CLASP1: variants seen among roughly 807,000 people sequenced by gnomAD.
CLASP1 encodes cytoplasmic linker associated protein 1, also known as CLIP-associating protein 1.
In CLASP1, 38 loss-of-function variants were observed where a neutral mutation model predicts 192.3. That is an observed-to-expected ratio of 0.20 (90% confidence interval 0.15 to 0.26). The LOEUF (loss-of-function observed/expected upper bound fraction) is 0.26, where lower values mean the gene tolerates loss of function less well. CLASP1 is among the 10% of genes least tolerant of loss of function. The pLI, the probability that CLASP1 is intolerant of heterozygous loss-of-function variation, is 1.00. For synonymous variants in CLASP1, 691 were observed against 712.8 expected (o/e 0.97, Z 0.49); for missense variants, 1,433 against 1,932.5 (o/e 0.74, Z 4.85).
intron 8 of CLASP1, among the ~76,000 whole-genome samples, chr2:121,480,206 C>A (rs922736403): frequency 2.0e-5 from 3 of 152,152 alleles, no homozygotes; most frequent in Non-Finnish European, 4.4e-5. Flanking sequence ...TGGGACGACA[C>A]CGGGGAAAGA....
rs375714318 is a variant in CLASP1, at chr2:121,434,927, A to AT, written c.1913-4751dup. Among the ~76,000 whole-genome samples the AT allele has an allele frequency of 5.8e-3, 871 of 149,958 alleles. 2 individuals carry two copies. The highest frequency in any genetic ancestry group is 8.9e-3 in the Non-Finnish European group (599 of 67,338). The stretch of plus-strand genomic sequence containing the variant: ...CTTTAGTGTCTTTCATCAATTACAA[A>AT]TTTTTTTTTTGCCTTTGTTACTAAA... On this transcript the variant is annotated intron_variant, in intron 19 of 39. Transcript: ENST00000263710.
intron 37 of CLASP1, among the ~76,000 whole-genome samples, chr2:121,361,566 T>C (rs1353775373): frequency 2.0e-5 from 3 of 152,188 alleles, no homozygotes; most frequent in African/African-American, 4.8e-5. Context: ...CACTAATTCA[T>C]AAACTTTCTT....
intron 2 of CLASP1, among the ~76,000 whole-genome samples, chr2:121,570,281 C>T (rs1295200248): frequency 1.3e-5 from 2 of 152,214 alleles, no homozygotes; most frequent in Non-Finnish European, 2.9e-5. Flanking sequence ...GAGACTATCA[C>T]TAGGGTGGGA....
At chr2:121,470,073 A>G (rs748555824) in intron 8 of CLASP1, 113 bp from the exon 9 acceptor site, 141 of 903,364 alleles carry the variant, frequency 1.6e-4, no homozygotes, top group Middle Eastern at 2.3e-4. Context: ...CTGATTCTGC[A>G]TACTCTTTTG....
chr2:121,531,207 A>G (rs1274740609), intron 2 of CLASP1, among the ~76,000 whole-genome samples: 1 of 152,094 alleles, frequency 6.6e-6, no homozygotes, highest in African/African-American at 2.4e-5. Flanking sequence ...CCGATCATCA[A>G]CTGTTCTGTA....
At chr2:121,515,437 T>C (rs1575589392) in intron 7 of CLASP1, among the ~76,000 whole-genome samples, 1 of 152,282 alleles carries the variant, frequency 6.6e-6, no homozygotes, top group East Asian at 1.9e-4. Context: ...GTATGTGGCA[T>C]GGGACCTGGC....
chr2:121,465,059 T>C (rs2089235135), intron 9 of CLASP1, among the ~76,000 whole-genome samples: 1 of 152,164 alleles, frequency 6.6e-6, no homozygotes, highest in African/African-American at 2.4e-5. Flanking sequence ...CCACAGCCAA[T>C]ATCATGCTGA....
In CLASP1 at chr2:121,589,540, G is replaced by C. The variant is rs547488073; in HGVS notation, c.195+16161C>G. 6.0e-5 allele frequency among the ~76,000 whole-genome samples: 9 copies of C among 150,718 alleles called. No individual in the cohort carries two copies. In the East Asian group the frequency reaches 1.8e-3, roughly 30 times the overall value. Reference sequence around the variant, plus strand: ...AGCTACTCAGGAGGCTGAGGCAGGAGAATTGCTTGAACCTAGGAGGCAGAG... The same window carrying C: ...AGCTACTCAGGAGGCTGAGGCAGGACAATTGCTTGAACCTAGGAGGCAGAG... On this transcript the variant is annotated intron_variant, in intron 2 of 39. Transcript: ENST00000263710.
intron 30 of CLASP1, among the ~76,000 whole-genome samples, chr2:121,392,596 C>T (rs933055475): frequency 7.2e-5 from 11 of 152,130 alleles, no homozygotes; most frequent in African/African-American, 2.7e-4. Context: ...ATTATTATTC[C>T]GATTTTACAG....
chr2:121,387,046 A>G, intron 32 of CLASP1, 76 bp downstream of exon 33: 11 of 1,216,034 alleles, frequency 9.0e-6, no homozygotes, highest in Non-Finnish European at 1.3e-5. Context: ...TAGTCTAAAA[A>G]TCTAGAAATA....
intron 2 of CLASP1, among the ~76,000 whole-genome samples, chr2:121,566,049 C>A (rs1428872958): frequency 1.3e-5 from 2 of 152,182 alleles, no homozygotes; most frequent in Non-Finnish European, 2.9e-5. Context: ...AGCTGTGAGT[C>A]CTATTAATGG....
Position 121,434,324 on chromosome 2 carries a change from A to G in CLASP1, c.1913-4147T>C, listed in dbSNP as rs116547411. On this transcript the variant is annotated intron_variant, in intron 19 of 39. Transcript: ENST00000263710. The stretch of plus-strand genomic sequence containing the variant: ...TAGGCTGGAGTGGAATGGTGCGATC[A>G]CAGCTCACTGATGCCTCACTTCCCA... Among the ~76,000 whole-genome samples, 1,368 of 152,244 alleles carry G rather than the reference A, an allele frequency of 9.0e-3. 23 individuals carry two copies. The highest frequency in any genetic ancestry group is 0.031 in the African/African-American group (1,307 of 41,536).
chr2:121,367,786 C>A lies in CLASP1; in HGVS notation c.3688G>T (p.Gly1230Trp), dbSNP rs377065133. 24 of 1,613,760 alleles carry A rather than the reference C, an allele frequency of 1.5e-5. No individual in the cohort carries two copies. Among genetic ancestry groups the A allele is most frequent in the Admixed American group, 1.7e-5 (1 of 60,006 alleles). Residue 1230 changes from glycine (G) to tryptophan (W), a missense_variant, in exon 35 of 40, where the codon GGG becomes TGG. Physicochemically the swap from Gly to Trp is radical, Grantham distance 184 (BLOSUM62 -2). This residue lies in a region of CLASP1 where 336 missense variants were observed against 358.0 expected (regional missense o/e 0.94). Transcript: ENST00000263710. ...CGGCCTCCTTCTACTTCACTACCCCCCCGGCCCTCAGTGGCAGGGGAGGCA... is the reference window on the plus strand; with the variant it reads ...CGGCCTCCTTCTACTTCACTACCCCACCGGCCCTCAGTGGCAGGGGAGGCA...
chr2:121,567,581 G>A (rs1217401551), intron 2 of CLASP1, among the ~76,000 whole-genome samples: 1 of 152,194 alleles, frequency 6.6e-6, no homozygotes, highest in Middle Eastern at 3.2e-3. Flanking sequence ...TGTAATGTAC[G>A]ACACGAGGTC....
intron 19 of CLASP1, among the ~76,000 whole-genome samples, chr2:121,439,718 A>T (rs2082942135): frequency 6.6e-6 from 1 of 151,770 alleles, no homozygotes; most frequent in South Asian, 2.1e-4. Context: ...GATTAAGAAA[A>T]TGTGGCACAT....
At chr2:121,448,852 C>T in intron 17 of CLASP1, 101 bp downstream of exon 17, 1 of 1,207,544 alleles carries the variant, frequency 8.3e-7, no homozygotes, top group Non-Finnish European at 1.2e-6. Context: ...GGCGTTTTAA[C>T]AAGCACCCAT....
At chr2:121,616,628 A>G (rs1338831805) in intron 1 of CLASP1, among the ~76,000 whole-genome samples, 3 of 152,190 alleles carry the variant, frequency 2.0e-5, no homozygotes, top group Admixed American at 6.5e-5. Context: ...ATTTCTATCA[A>G]TAAGACAATC....
chr2:121,568,001 ATGAATC>A (rs2059653996), intron 2 of CLASP1, among the ~76,000 whole-genome samples: 2 of 152,232 alleles, frequency 1.3e-5, no homozygotes, highest in Admixed American at 6.5e-5. Context: ...TTTTACATCC[ATGAATC>A]AAAAACAGAG....
At chr2:121,365,274 G>A in exon 36 of CLASP1, 1 of 1,612,610 alleles carries the variant, frequency 6.2e-7, no homozygotes, top group Non-Finnish European at 8.5e-7. Flanking sequence ...GGTCAGAATG[G>A]TCGATGGGCA....
Sources: gnomAD v4.1 joint callset for allele counts (sites outside exome capture counted in the v4.1 genomes callset) on GRCh38, gnomAD v4.1.1 for gene constraint, gnomAD v4.1.1 regional missense constraint, MANE v1.5 for transcripts, NCBI Gene and HGNC (gene_info 2026-07-23, HGNC 2026-07-21) for gene names.